CSMD2: variants seen among roughly 807,000 people sequenced by gnomAD.
The protein encoded by CSMD2 is CUB and sushi domain-containing protein 2.
In CSMD2, 130 loss-of-function variants were observed where a neutral mutation model predicts 398.5. The ratio of observed to expected loss-of-function variants is 0.33; its 90% confidence interval spans 0.28 to 0.38. The LOEUF (loss-of-function observed/expected upper bound fraction) is 0.38. Ranked by LOEUF, CSMD2 falls within the 10% of genes least tolerant of loss-of-function variation. The probability of loss-of-function intolerance (pLI) is 1.00; values close to 1 mark genes in which losing one functional copy is unlikely to be tolerated. For missense variants in CSMD2, 3,829 were observed against 4,764.9 expected, an observed-to-expected ratio of 0.80 and a Z score of 5.78; for synonymous variants, 1,828 against 1,908.5, an observed-to-expected ratio of 0.96 and a Z score of 1.10.
chr1:33,683,985 G>A (rs954977481), intron 25 of CSMD2, among the ~76,000 whole-genome samples: 1 of 152,214 alleles, frequency 6.6e-6, no homozygotes, highest in Non-Finnish European at 1.5e-5. Context: ...ATGATTCCTG[G>A]CAAGAGCTGT....
At chr1:34,010,817 A>T (rs1404345569) in intron 3 of CSMD2, among the ~76,000 whole-genome samples, 1 of 151,922 alleles carries the variant, frequency 6.6e-6, no homozygotes. Context: ...ACGAGGTTTC[A>T]CCGTGTTAGC....
At chr1:33,526,521 T>C (rs1043697811) in intron 65 of CSMD2, among the ~76,000 whole-genome samples, 1 of 152,256 alleles carries the variant, frequency 6.6e-6, no homozygotes, top group Non-Finnish European at 1.5e-5. Context: ...TAATCAGTGA[T>C]AGCTACTAAA....
At chr1:33,801,698 G>A (rs1256374336) in intron 10 of CSMD2, among the ~76,000 whole-genome samples, 1 of 152,208 alleles carries the variant, frequency 6.6e-6, no homozygotes, top group African/African-American at 2.4e-5. Flanking sequence ...AACACATGAT[G>A]AAGTTAGGAA....
chr1:33,991,294 A>C (rs1209165436), intron 3 of CSMD2, among the ~76,000 whole-genome samples: 1 of 152,040 alleles, frequency 6.6e-6, no homozygotes, highest in East Asian at 1.9e-4. Flanking sequence ...GGCATCAGCC[A>C]CCTCCCATGG....
At chr1:33,973,012 A>G (rs1645827709) in intron 3 of CSMD2, among the ~76,000 whole-genome samples, 1 of 152,142 alleles carries the variant, frequency 6.6e-6, no homozygotes, top group South Asian at 2.1e-4. Context: ...TAAGCCATCC[A>G]TCCAAGGTTG....
At chr1:33,906,081 C>T (rs1643069659) in intron 5 of CSMD2, among the ~76,000 whole-genome samples, 1 of 152,232 alleles carries the variant, frequency 6.6e-6, no homozygotes, top group Non-Finnish European at 1.5e-5. Flanking sequence ...CCCCCTCGAG[C>T]CTGGGTACCC....
intron 3 of CSMD2, among the ~76,000 whole-genome samples, chr1:34,003,943 GC>G (rs1646978772): frequency 6.6e-6 from 1 of 152,110 alleles, no homozygotes; most frequent in Non-Finnish European, 1.5e-5. Context: ...GAACTGCCCT[GC>G]CCCCATCCCA....
intron 1 of CSMD2, among the ~76,000 whole-genome samples, chr1:34,095,496 AATAG>A (rs1254403254): frequency 4.0e-5 from 6 of 151,420 alleles, no homozygotes; most frequent in Admixed American, 2.0e-4. Context: ...GGATCAACAA[AATAG>A]ATAGACCGCT....
At chr1:33,777,038 G>A (rs1652080161) in intron 12 of CSMD2, among the ~76,000 whole-genome samples, 1 of 152,098 alleles carries the variant, frequency 6.6e-6, no homozygotes, top group Admixed American at 6.6e-5. Flanking sequence ...GATGAGGAGG[G>A]GTAGAAAGTG....
intron 5 of CSMD2, 74 bp downstream of exon 5, chr1:33,918,020 A>G: frequency 7.2e-7 from 1 of 1,385,010 alleles, no homozygotes; most frequent in Non-Finnish European, 1.0e-6. Flanking sequence ...CCAGGCACTG[A>G]GGAGACTGCA....
At chr1:33,847,088 C>A in intron 5 of CSMD2, 92 bp from the exon 6 acceptor site, 1 of 790,776 alleles carries the variant, frequency 1.3e-6, no homozygotes, top group South Asian at 1.7e-5. Context: ...CCCTTGAGTG[C>A]CAAGGCCTCA....
intron 5 of CSMD2, chr1:33,862,731 A>C (rs1639636633): frequency 6.6e-6 from 1 of 152,222 alleles, no homozygotes; most frequent in South Asian, 2.1e-4. Context: ...GCCAGTCCAG[A>C]ATGCTCAATT....
At chr1:33,767,903 T>C (rs923064768) in intron 13 of CSMD2, among the ~76,000 whole-genome samples, 4 of 152,182 alleles carry the variant, frequency 2.6e-5, no homozygotes, top group African/African-American at 4.8e-5. Context: ...TCTAGTGCAA[T>C]GGAGACAGGG....
At chr1:34,130,718 G>A (rs1176743829) in intron 1 of CSMD2, among the ~76,000 whole-genome samples, 3 of 152,070 alleles carry the variant, frequency 2.0e-5, no homozygotes, top group Non-Finnish European at 2.9e-5. Flanking sequence ...TCAGCCCTGC[G>A]CTCAATGCCT....
chr1:33,666,601 G>A (rs1483913209), intron 25 of CSMD2, among the ~76,000 whole-genome samples: 1 of 151,744 alleles, frequency 6.6e-6, no homozygotes, highest in African/African-American at 2.4e-5. Context: ...AGTACTATTA[G>A]AAACCAACAG....
intron 3 of CSMD2, among the ~76,000 whole-genome samples, chr1:33,959,920 C>G (rs1444426893): frequency 1.3e-5 from 2 of 152,200 alleles, no homozygotes; most frequent in Admixed American, 6.5e-5. Context: ...AGGGCAGCGG[C>G]TTTGTTGCAT....
intron 3 of CSMD2, among the ~76,000 whole-genome samples, chr1:33,973,506 C>G (rs1233792643): frequency 6.6e-6 from 1 of 152,218 alleles, no homozygotes; most frequent in Non-Finnish European, 1.5e-5. Context: ...ATCAGAAAAG[C>G]TTCCTGCCCC....
chr1:33,769,508 A>G (rs1419321023), intron 13 of CSMD2, among the ~76,000 whole-genome samples: 1 of 152,218 alleles, frequency 6.6e-6, no homozygotes, highest in Non-Finnish European at 1.5e-5. Flanking sequence ...TCACTGTGAG[A>G]TAAATCATCT....
At chr1:33,664,014 C>T (rs1199963048) in intron 25 of CSMD2, among the ~76,000 whole-genome samples, 1 of 152,186 alleles carries the variant, frequency 6.6e-6, no homozygotes, top group Non-Finnish European at 1.5e-5. Context: ...ATTTGAATTT[C>T]ACCAGTTTCT....
Sources: gnomAD v4.1 joint callset for allele counts (sites outside exome capture counted in the v4.1 genomes callset) on GRCh38, gnomAD v4.1.1 for gene constraint, MANE v1.5 for transcripts, NCBI Gene and HGNC (gene_info 2026-07-23, HGNC 2026-07-21) for gene names.